The following ZSWIM3 variants were observed in gnomAD, a reference collection of about 807,000 sequenced individuals.
ZSWIM3 encodes the protein zinc finger SWIM domain-containing protein 3.
In ZSWIM3, 27 loss-of-function variants were observed where a neutral mutation model predicts 47.5. That is an observed-to-expected ratio of 0.57 (90% CI 0.42 to 0.78). The LOEUF is 0.78. ZSWIM3 is among the 30% of genes least tolerant of loss of function. ZSWIM3 has a pLI of 0.00. For missense variants in ZSWIM3, 689 were observed against 861.3 expected (o/e 0.80, Z 2.50); for synonymous variants, 333 against 333.9 (o/e 1.00, Z 0.03).
In ZSWIM3 at chr20:45,878,905, G is replaced by A. The variant is rs955583734; in HGVS notation, c.*256G>A. 2.3e-6 allele frequency: 1 copy of A among 439,572 alleles called. No individual in the cohort carries two copies. The highest frequency in any genetic ancestry group is 4.1e-6 in the Non-Finnish European group (1 of 246,166). 27.2% of individuals were successfully genotyped at this position (439,572 alleles called of 1,614,324 possible). ...GCCAAAGTTATCTCCGTGCTGCAAG[G>A]TCACCCTCTTCCTCCCCCAGCCCCT... is the stretch of plus-strand genomic sequence containing the variant. On this transcript the variant is annotated 3_prime_UTR_variant, in exon 2 of 2. Coordinates refer to ENST00000255152, the MANE Select transcript of ZSWIM3 (RefSeq NM_080752.4).
intron 1 of ZSWIM3, among the ~76,000 whole-genome samples, chr20:45,875,236 G>A (rs1299033886): frequency 6.6e-6 from 1 of 151,714 alleles, no homozygotes; most frequent in Non-Finnish European, 1.5e-5. Flanking sequence ...TAGAGACGGG[G>A]TTTCACTATG....
chr20:45,872,193 G>A (rs1985991502), intron 1 of ZSWIM3, among the ~76,000 whole-genome samples: 1 of 152,218 alleles, frequency 6.6e-6, no homozygotes, highest in Admixed American at 6.5e-5. Flanking sequence ...GGGGCTTCAT[G>A]TAGCCAGATA....
chr20:45,871,521 A>G (rs1220973135), intron 1 of ZSWIM3, among the ~76,000 whole-genome samples: 1 of 152,184 alleles, frequency 6.6e-6, no homozygotes, highest in Non-Finnish European at 1.5e-5. Flanking sequence ...TCCTAGCACT[A>G]TTACTCTTAC....
At chr20:45,870,580 A>G (rs1985951261) in intron 1 of ZSWIM3, among the ~76,000 whole-genome samples, 1 of 152,178 alleles carries the variant, frequency 6.6e-6, no homozygotes, top group African/African-American at 2.4e-5. Context: ...ATTCACTTTA[A>G]GTGGTACTGA....
Position 45,870,322 on chromosome 20 carries a change from A to G in ZSWIM3, c.156-6392A>G, listed in dbSNP as rs530306849. 5.4e-5 allele frequency among the ~76,000 whole-genome samples: 8 copies of G among 148,014 alleles called. No homozygotes were observed. The East Asian group carries it at 1.4e-3, about 26-fold the overall frequency. On this transcript the variant is annotated intron_variant, in intron 1 of 1. Coordinates refer to ENST00000255152, the MANE Select transcript of ZSWIM3 (RefSeq NM_080752.4). ...GCCAGTGCATTCCAACCTGGGTGACAGAGGGAGACTCCGTCTCAAAAAAAA... is the reference window on the plus strand; with the variant it reads ...GCCAGTGCATTCCAACCTGGGTGACGGAGGGAGACTCCGTCTCAAAAAAAA...
At position 45,857,917 on chromosome 20, in the gene ZSWIM3, G is replaced by A. The variant is rs1601108030; in HGVS notation, c.92G>A (p.Arg31Lys). 1 of 1,613,874 alleles carries A rather than the reference G, an allele frequency of 6.2e-7. No homozygotes were observed. The highest frequency in any genetic ancestry group is 1.6e-4 in the Middle Eastern group (1 of 6,062). The change falls in exon 1 of 2, where the codon AGG becomes AAG. Residue 31 changes from arginine to lysine, a missense_variant. Transcript: ENST00000255152. The stretch of plus-strand genomic sequence containing the variant: ...GAGAACAGGTGCTCCTTCATTCTCA[G>A]GGACTGCGTCTCCGTCCGCTTCCAC... Reference protein sequence around the residue: ...KRENRCSFILRDCVSVRFHNL... With the variant: ...KRENRCSFILKDCVSVRFHNL...
rs35356697 is a variant in ZSWIM3 at position 45,875,035 on chromosome 20, C to CTTTTT, written c.156-1660_156-1656dup. On this transcript the variant is annotated intron_variant, in intron 1 of 1. Coordinates refer to ENST00000255152, the MANE Select transcript of ZSWIM3 (RefSeq NM_080752.4). ...GATTTGGGGGGGGTTTTAATTTTAACTTTTTTTTTTTTTTTTTTTTTTTGA... is the reference window on the plus strand; with the variant it reads ...GATTTGGGGGGGGTTTTAATTTTAACTTTTTTTTTTTTTTTTTTTTTTTTTTTTGA... Among the ~76,000 whole-genome samples, 360 of 90,544 alleles carry CTTTTT rather than the reference C, an allele frequency of 4.0e-3. 16 individuals carry two copies. The highest frequency in any genetic ancestry group is 0.013 in the African/African-American group (308 of 24,162). The allele number at this position is 90,544 out of a possible 152,430, so 59.4% of individuals were successfully genotyped here.
intron 1 of ZSWIM3, among the ~76,000 whole-genome samples, chr20:45,867,635 A>T (rs974453648): frequency 2.6e-5 from 4 of 152,202 alleles, no homozygotes; most frequent in African/African-American, 9.7e-5. Flanking sequence ...GAGTATATCT[A>T]AACTGTGGCC....
chr20:45,876,230 C>T (rs778390259), intron 1 of ZSWIM3, among the ~76,000 whole-genome samples: 11 of 151,992 alleles, frequency 7.2e-5, no homozygotes, highest in Middle Eastern at 3.4e-3. Flanking sequence ...TTAGTAGAGT[C>T]GGGGTTTCTC....
intron 1 of ZSWIM3, chr20:45,872,569 G>T: frequency 2.0e-6 from 1 of 497,260 alleles, no homozygotes; most frequent in South Asian, 1.9e-5. Flanking sequence ...GGCTTGCGAG[G>T]AGGGAAGGTA....
rs561107776 is a variant in ZSWIM3, at chr20:45,876,055, G to GTTTTTTT, written c.156-655_156-654insTTTTTTT. Among the ~76,000 whole-genome samples, 783 of 126,012 alleles carry GTTTTTTT rather than the reference G, an allele frequency of 6.2e-3. 8 individuals carry two copies. The highest frequency in any genetic ancestry group is 0.022 in the African/African-American group (759 of 34,792). The allele number at this position is 126,012 out of a possible 152,430, so 82.7% of individuals were successfully genotyped here. A position where few individuals can be genotyped will look rare whatever the true frequency, so the allele number is the denominator to read the frequency against. ...TGTTTTTTTGTTTTTTTGTTTTTTT[G>GTTTTTTT]TTTTGAGACGGAAGTTTGCTCTCGT... On this transcript the variant is annotated intron_variant, in intron 1 of 1. Coordinates refer to ENST00000255152, the MANE Select transcript of ZSWIM3 (RefSeq NM_080752.4).
At chr20:45,859,856 A>C (rs3761156) in intron 1 of ZSWIM3, among the ~76,000 whole-genome samples, 88,372 of 148,402 alleles carry the variant, frequency 0.6, 26,913 homozygotes, top group Admixed American at 0.68. Context: ...AGACCATCTC[A>C]GGTGGCTAGC....
Position 45,857,799 on chromosome 20 carries a change from C to T in ZSWIM3, c.-27C>T. ...GATCTTGGGCCCGGGCTGGGACCAGCCCCTAGTGTGGGTTGTGGGGGCGGC... is the reference window on the plus strand; with the variant it reads ...GATCTTGGGCCCGGGCTGGGACCAGTCCCTAGTGTGGGTTGTGGGGGCGGC... On this transcript the variant is annotated 5_prime_UTR_variant, in exon 1 of 2. Transcript: ENST00000255152. 1 of 1,611,228 alleles carries T rather than the reference C, an allele frequency of 6.2e-7. No homozygotes were observed. Among genetic ancestry groups the T allele is most frequent in the Non-Finnish European group, 8.5e-7 (1 of 1,178,188 alleles).
intron 1 of ZSWIM3, among the ~76,000 whole-genome samples, chr20:45,865,356 C>G (rs6094218): frequency 6.6e-6 from 1 of 150,520 alleles, no homozygotes; most frequent in Non-Finnish European, 1.5e-5. Context: ...GGCCTGGTGG[C>G]GGGCGCCTGT....
In ZSWIM3 at chr20:45,878,160, G is replaced by C. The variant is rs1986152085; in HGVS notation, c.1602G>C (p.Gln534His). 6.2e-7 allele frequency: 1 copy of C among 1,614,212 alleles called. No individual in the cohort carries two copies. The highest frequency in any genetic ancestry group is 2.2e-5 in the East Asian group (1 of 44,880). ...VDMAGSSVDV[Q>H]LLEDSHQVSK... Reference sequence around the variant, plus strand: ...TGGCTGGCTCTTCAGTGGACGTTCAGCTGCTAGAGGACTCTCACCAGGTTA... The same window carrying C: ...TGGCTGGCTCTTCAGTGGACGTTCACCTGCTAGAGGACTCTCACCAGGTTA... Residue 534 changes from glutamine to histidine, a missense_variant, in exon 2 of 2, where the codon CAG becomes CAC. Coordinates refer to ENST00000255152, the MANE Select transcript of ZSWIM3 (RefSeq NM_080752.4).
At position 45,857,866 on chromosome 20, in the gene ZSWIM3, A is replaced by AG; in HGVS notation, c.43dup (p.Glu15GlyfsTer76). The AG allele has an allele frequency of 6.2e-7, 1 of 1,614,126 alleles. No individual in the cohort carries two copies. ...TGCTTCAAGACCTATGAGGACTTCAAGGAGTGCTTCAGCGCCTACAAAAGG... is the reference window on the plus strand; with the variant it reads ...TGCTTCAAGACCTATGAGGACTTCAAGGGAGTGCTTCAGCGCCTACAAAAGG... On this transcript the variant is annotated frameshift_variant, in exon 1 of 2. Transcript: ENST00000255152. LOFTEE classifies it high-confidence loss of function.
intron 1 of ZSWIM3, among the ~76,000 whole-genome samples, chr20:45,869,310 G>A (rs994690314): frequency 9.2e-5 from 14 of 151,610 alleles, no homozygotes; most frequent in East Asian, 8.0e-4. Context: ...CTTGAGGCCC[G>A]GAGTTCAAAA....
intron 1 of ZSWIM3, among the ~76,000 whole-genome samples, chr20:45,870,746 T>C (rs1297005486): frequency 6.6e-6 from 1 of 151,858 alleles, no homozygotes; most frequent in Non-Finnish European, 1.5e-5. Context: ...CAGGCTGGAG[T>C]GCAGTGGCGT....
intron 1 of ZSWIM3, among the ~76,000 whole-genome samples, chr20:45,871,057 T>C (rs1044028362): frequency 6.6e-6 from 1 of 152,122 alleles, no homozygotes; most frequent in Non-Finnish European, 1.5e-5. Context: ...GAGTGCTAGG[T>C]TGAAGTTATT....
Sources: allele counts gnomAD v4.1 joint callset (sites outside exome capture counted in the v4.1 genomes callset), GRCh38; gene constraint gnomAD v4.1.1; transcripts MANE v1.5; gene names NCBI Gene and HGNC (gene_info 2026-07-23, HGNC 2026-07-21).